The following TENM2 variants were observed in gnomAD, a reference collection of about 807,000 sequenced individuals.
TENM2 encodes the protein teneurin transmembrane protein 2, also known as teneurin-2.
TENM2 carries 52 observed loss-of-function variants against 245.2 expected under a neutral mutation model. The ratio of observed to expected loss-of-function variants is 0.21; its 90% confidence interval spans 0.17 to 0.27. The LOEUF (loss-of-function observed/expected upper bound fraction) is 0.27. Ranked by LOEUF, TENM2 falls within the 10% of genes least tolerant of loss-of-function variation. The probability of loss-of-function intolerance (pLI) is 1.00; values close to 1 mark genes in which losing one functional copy is unlikely to be tolerated. For synonymous variants in TENM2, 1,363 were observed against 1,438.9 expected (o/e 0.95, Z 1.19); for missense variants, 3,046 against 3,666.8 (o/e 0.83, Z 4.37).
At chr5:167,421,550 G>A (rs573738251) in intron 2 of TENM2, among the ~76,000 whole-genome samples, 12 of 152,210 alleles carry the variant, frequency 7.9e-5, no homozygotes, top group South Asian at 2.1e-4. Flanking sequence ...GTGGAGATAC[G>A]TTCAATGGGC....
chr5:167,799,651 ATG>A (rs1017583091), intron 2 of TENM2, among the ~76,000 whole-genome samples: 29 of 152,352 alleles, frequency 1.9e-4, no homozygotes, highest in Admixed American at 1.3e-3. Flanking sequence ...GAACTGATAG[ATG>A]TTCATGCAGC....
chr5:167,036,590 C>T, the TENM2 span, among the ~76,000 whole-genome samples: 1 of 152,112 alleles, frequency 6.6e-6, no homozygotes, highest in East Asian at 1.9e-4. Flanking sequence ...TTACTATATT[C>T]TATTGAGATG....
intron 3 of TENM2, among the ~76,000 whole-genome samples, chr5:167,951,675 G>C (rs954676655): frequency 6.6e-5 from 10 of 152,096 alleles, no homozygotes; most frequent in Non-Finnish European, 1.2e-4. Context: ...CATCTGCCAT[G>C]ACCTTCTCCA....
At position 168,218,502 on chromosome 5, in the gene TENM2, C is replaced by T. The variant is rs748701935; in HGVS notation, c.4611C>T (p.Tyr1537=). Residue 1537 remains tyrosine, a synonymous_variant, in exon 23 of 29, where the codon TAC becomes TAT. Coordinates refer to ENST00000518659, the Ensembl canonical transcript of TENM2. The surrounding 1 kb of genome is among the most constrained non-coding windows in gnomAD (Gnocchi z 5.2). ...ACTGCTATTCAGGAGATGATGCCTACGCGACTGATGCCATCTTGAATTCCC... is the reference window on the plus strand; with the variant it reads ...ACTGCTATTCAGGAGATGATGCCTATGCGACTGATGCCATCTTGAATTCCC... 9.9e-6 allele frequency: 16 copies of T among 1,613,914 alleles called. No individual in the cohort carries two copies. The highest frequency in any genetic ancestry group is 6.7e-5 in the African/African-American group (5 of 74,932).
intron 2 of TENM2, among the ~76,000 whole-genome samples, chr5:167,472,497 C>T (rs1767095160): frequency 6.6e-6 from 1 of 152,106 alleles, no homozygotes; most frequent in Admixed American, 6.6e-5. Context: ...TCACTGCTAT[C>T]CATCATGCCT....
the TENM2 span, among the ~76,000 whole-genome samples, chr5:167,139,942 T>A: frequency 1.3e-5 from 2 of 152,320 alleles, no homozygotes; most frequent in Admixed American, 6.5e-5. Context: ...TTGACATATA[T>A]TTTTATATTT....
chr5:167,696,040 A>C (rs973472528), intron 2 of TENM2, among the ~76,000 whole-genome samples: 3 of 152,048 alleles, frequency 2.0e-5, no homozygotes, highest in Admixed American at 6.5e-5. Flanking sequence ...TCAAAAAAAA[A>C]CAAAAAAACA....
At chr5:167,775,087 A>G (rs979989162) in intron 2 of TENM2, among the ~76,000 whole-genome samples, 14 of 152,128 alleles carry the variant, frequency 9.2e-5, no homozygotes, top group Admixed American at 9.2e-4. Context: ...CTCCTGACTC[A>G]GCCTCTCAAG....
At chr5:168,077,947 A>AC (rs1454429869) in intron 7 of TENM2, among the ~76,000 whole-genome samples, 4 of 152,174 alleles carry the variant, frequency 2.6e-5, no homozygotes, top group African/African-American at 9.7e-5. Context: ...ATACCCAGTA[A>AC]CAGGATGGCT....
chr5:167,826,972 G>A (rs911348828), intron 2 of TENM2, among the ~76,000 whole-genome samples: 9 of 152,216 alleles, frequency 5.9e-5, no homozygotes, highest in Non-Finnish European at 1.5e-5. Context: ...TAAATGGGTA[G>A]TGTGCTGGGA....
chr5:168,145,409 T>G (rs1464201600), intron 12 of TENM2, among the ~76,000 whole-genome samples: 4 of 135,574 alleles, frequency 3.0e-5, no homozygotes, highest in African/African-American at 1.1e-4. Context: ...GGCTAGCCAG[T>G]TTTCCCAGCA....
intron 5 of TENM2, among the ~76,000 whole-genome samples, chr5:168,003,314 C>A (rs971341334): frequency 4.1e-5 from 5 of 122,694 alleles, no homozygotes; most frequent in African/African-American, 1.3e-4. Context: ...AAAACACACA[C>A]ACACACACAC....
intron 5 of TENM2, among the ~76,000 whole-genome samples, chr5:168,043,519 G>A (rs771318311): frequency 1.3e-5 from 2 of 152,182 alleles, no homozygotes; most frequent in Non-Finnish European, 2.9e-5. Flanking sequence ...AATTCTCTCT[G>A]GCTGAGTTTC....
intron 13 of TENM2, among the ~76,000 whole-genome samples, chr5:168,188,839 G>T (rs1186991182): frequency 1.3e-5 from 2 of 152,122 alleles, no homozygotes; most frequent in Non-Finnish European, 2.9e-5. Context: ...GGATTCTGAT[G>T]CAGAATGCTT....
intron 25 of TENM2, among the ~76,000 whole-genome samples, chr5:168,231,754 CTA>C (rs1764931384): frequency 6.6e-6 from 1 of 150,916 alleles, no homozygotes; most frequent in South Asian, 2.1e-4. Context: ...AACCCTGTCT[CTA>C]CAACAACAAA....
chr5:167,258,599 T>G, the TENM2 span, among the ~76,000 whole-genome samples: 1 of 152,156 alleles, frequency 6.6e-6, no homozygotes, highest in Non-Finnish European at 1.5e-5. Context: ...AGAATTCTAT[T>G]ATATCATTTC....
At chr5:167,690,387 C>T in intron 2 of TENM2, among the ~76,000 whole-genome samples, 1 of 151,792 alleles carries the variant, frequency 6.6e-6, no homozygotes, top group East Asian at 1.9e-4. Context: ...GGTTTTTTCC[C>T]TGTTTTTCTT....
At chr5:168,160,503 AAG>A (rs1757652891) in intron 12 of TENM2, among the ~76,000 whole-genome samples, 2 of 152,180 alleles carry the variant, frequency 1.3e-5, no homozygotes, top group African/African-American at 4.8e-5. Context: ...ATTCCCTGGT[AAG>A]AGTCTCCTTA....
At chr5:168,262,722 A>T in exon 29 of TENM2, 1 of 1,611,310 alleles carries the variant, frequency 6.2e-7, no homozygotes. Context: ...GAGGGATATT[A>T]CGTGCTTCCC....
Sources: allele counts gnomAD v4.1 joint callset (sites outside exome capture counted in the v4.1 genomes callset), GRCh38; gene constraint gnomAD v4.1.1; non-coding constraint Gnocchi (gnomAD v3.1); transcripts MANE v1.5; gene names NCBI Gene and HGNC (gene_info 2026-07-23, HGNC 2026-07-21).